Variants in TET1 observed in about 807,000 individuals in gnomAD.
TET1 encodes methylcytosine dioxygenase TET1.
TET1 carries 13 observed loss-of-function variants against 148.7 expected under a neutral mutation model. The ratio of observed to expected loss-of-function variants is 0.09; its 90% CI spans 0.06 to 0.14. TET1 has a LOEUF of 0.14. Ranked by LOEUF, TET1 falls within the 10% of genes least tolerant of loss-of-function variation. TET1 has a pLI of 1.00. For missense variants in TET1, 2,182 were observed against 2,553.8 expected (o/e 0.85, Z 3.14); for synonymous variants, 907 against 937.2 (o/e 0.97, Z 0.59).
At chr10:68,591,852 C>T (rs1479295243) in intron 2 of TET1, among the ~76,000 whole-genome samples, 2 of 151,956 alleles carry the variant, frequency 1.3e-5, no homozygotes, top group African/African-American at 4.8e-5. Context: ...TTGCAGTGAG[C>T]CGAGATTACA....
rs560256150 is a variant in TET1 at position 68,651,562 on chromosome 10, T to C, written c.4277-284T>C. On this transcript the variant is annotated intron_variant, in intron 4 of 11. Transcript: ENST00000373644. ...ACCTCAATTAATACAGATTTTTTTT[T>C]TAAGCAGGAGATAGGAGTATAAATA... 5.3e-5 allele frequency among the ~76,000 whole-genome samples: 8 copies of C among 152,298 alleles called. No individual in the cohort carries two copies. The East Asian group carries it at 1.5e-3, about 29-fold the overall frequency.
intron 2 of TET1, among the ~76,000 whole-genome samples, chr10:68,595,917 AAC>A (rs2053973403): frequency 1.6e-5 from 1 of 62,224 alleles, no homozygotes; most frequent in South Asian, 5.9e-4. Context: ...GCCCAGCCAA[AAC>A]ATATATATAT....
intron 2 of TET1, 79 bp from the exon 3 acceptor site, chr10:68,600,902 A>G: frequency 1.6e-6 from 2 of 1,278,962 alleles, no homozygotes; most frequent in Non-Finnish European, 2.2e-6. Flanking sequence ...TTACAGAGAA[A>G]TAGCCAAAAA....
intron 2 of TET1, among the ~76,000 whole-genome samples, chr10:68,590,369 C>G (rs180945277): frequency 3.4e-3 from 511 of 152,174 alleles, no homozygotes; most frequent in Non-Finnish European, 6.2e-3. Flanking sequence ...TGGGCTCAAG[C>G]AATCCTCCTG....
chr10:68,607,596 A>C (rs7077908), intron 3 of TET1, among the ~76,000 whole-genome samples: 30,858 of 150,796 alleles, frequency 0.2, 3,287 homozygotes, highest in South Asian at 0.26. Context: ...CCATGCCCAG[A>C]TAATTTTTGT....
chr10:68,674,809 G>T, intron 8 of TET1: 1 of 477,982 alleles, frequency 2.1e-6, no homozygotes. Flanking sequence ...GCCAAATCTG[G>T]AACAAGTTGA....
At chr10:68,642,984 G>T (rs2054781507) in intron 3 of TET1, among the ~76,000 whole-genome samples, 1 of 152,086 alleles carries the variant, frequency 6.6e-6, no homozygotes, top group African/African-American at 2.4e-5. Context: ...TAGGTTGGGT[G>T]CAGCGGCTCG....
chr10:68,674,527 T>G (rs2055323640), intron 8 of TET1: 1 of 516,262 alleles, frequency 1.9e-6, no homozygotes, highest in Non-Finnish European at 3.7e-6. Context: ...GAAGTGAGTC[T>G]TGCTGATATG....
At chr10:68,643,681 T>A (rs182272106) in intron 3 of TET1, among the ~76,000 whole-genome samples, 15 of 151,322 alleles carry the variant, frequency 9.9e-5, no homozygotes, top group Admixed American at 4.6e-4. Context: ...ATTAGCTGAG[T>A]GTGGTGGCTG....
At chr10:68,602,513 A>G (rs747022839) in intron 3 of TET1, among the ~76,000 whole-genome samples, 2 of 152,220 alleles carry the variant, frequency 1.3e-5, no homozygotes, top group East Asian at 1.9e-4. Context: ...GACCAAGCCT[A>G]GTATCTATGT....
At chr10:68,632,835 TAAA>T (rs34118781) in intron 3 of TET1, 838 of 434,228 alleles carry the variant, frequency 1.9e-3, no homozygotes, top group East Asian at 3.1e-3. Flanking sequence ...GTTTAAGTTG[TAAA>T]AAAAAAAAAA....
intron 4 of TET1, 71 bp from the exon 5 acceptor site, chr10:68,651,775 A>T (rs2054939399): frequency 3.5e-6 from 4 of 1,136,830 alleles, no homozygotes; most frequent in African/African-American, 3.1e-5. Context: ...CAAAAAGTAT[A>T]AAAGTAGCTT....
chr10:68,576,394 G>C (rs1446204449), intron 2 of TET1, among the ~76,000 whole-genome samples: 1 of 151,820 alleles, frequency 6.6e-6, no homozygotes, highest in Non-Finnish European at 1.5e-5. Flanking sequence ...AGGCATGGTG[G>C]CTCATGTCTG....
At chr10:68,611,119 C>T (rs2054203109) in intron 3 of TET1, among the ~76,000 whole-genome samples, 1 of 151,772 alleles carries the variant, frequency 6.6e-6, no homozygotes, top group Admixed American at 6.6e-5. Flanking sequence ...ATGGTGAAAC[C>T]CCGTCTCTAC....
chr10:68,605,655 C>T (rs1260574059), intron 3 of TET1, among the ~76,000 whole-genome samples: 1 of 152,106 alleles, frequency 6.6e-6, no homozygotes, highest in African/African-American at 2.4e-5. Context: ...TGGGATTACA[C>T]ACATGTGCCA....
chr10:68,666,332 A>G (rs1051788219), intron 6 of TET1, among the ~76,000 whole-genome samples: 11 of 152,226 alleles, frequency 7.2e-5, no homozygotes, highest in African/African-American at 2.2e-4. Flanking sequence ...ACATGTAAAA[A>G]TCATAGAAAC....
chr10:68,667,310 G>T, intron 7 of TET1, 54 bp downstream of exon 7: 1 of 1,449,966 alleles, frequency 6.9e-7, no homozygotes, highest in Non-Finnish European at 9.3e-7. Context: ...TTACATATTG[G>T]TAAAATTGTT....
chr10:68,672,045 A>G (rs969106793), intron 7 of TET1, among the ~76,000 whole-genome samples: 5 of 152,174 alleles, frequency 3.3e-5, no homozygotes, highest in African/African-American at 1.2e-4. Flanking sequence ...CTGGCCAAGA[A>G]ACTGTTTTTA....
chr10:68,638,470 A>C (rs369082866), intron 3 of TET1, among the ~76,000 whole-genome samples: 1 of 152,182 alleles, frequency 6.6e-6, no homozygotes, highest in African/African-American at 2.4e-5. Context: ...AATCTGAGAC[A>C]TTACAATTGG....
Sources: allele counts gnomAD v4.1 joint callset (sites outside exome capture counted in the v4.1 genomes callset), GRCh38; gene constraint gnomAD v4.1.1; transcripts MANE v1.5; gene names NCBI Gene and HGNC (gene_info 2026-07-23, HGNC 2026-07-21).